Variants in KIF24 observed in about 807,000 individuals in gnomAD.
KIF24 encodes kinesin-like protein KIF24.
In KIF24, 81 loss-of-function variants were observed where a neutral mutation model predicts 118.9. The observed-to-expected ratio is 0.68, with a 90% CI of 0.57 to 0.82. The LOEUF (loss-of-function observed/expected upper bound fraction) is 0.82, where lower values mean the gene tolerates loss of function less well. KIF24 is among the 40% of genes least tolerant of loss of function. The probability of loss-of-function intolerance (pLI) is 0.00; values close to 1 mark genes in which losing one functional copy is unlikely to be tolerated. For synonymous variants in KIF24, 599 were observed against 610.0 expected, an observed-to-expected ratio of 0.98 and a Z score of 0.27; for missense variants, 1,560 against 1,661.6, an observed-to-expected ratio of 0.94 and a Z score of 1.06.
chr9:34,314,221 T>TG (rs976692206), intron 1 of KIF24, among the ~76,000 whole-genome samples: 3 of 152,136 alleles, frequency 2.0e-5, no homozygotes, highest in African/African-American at 7.2e-5. Flanking sequence ...TGGAGTGCAG[T>TG]GGTGCAATCT....
intron 1 of KIF24, among the ~76,000 whole-genome samples, chr9:34,326,695 G>A (rs1289320625): frequency 6.6e-6 from 1 of 152,218 alleles, no homozygotes; most frequent in African/African-American, 2.4e-5. Flanking sequence ...TAGTAGGTGA[G>A]AAGGAGAATA....
Position 34,253,652 on chromosome 9 carries a change from T to G in KIF24, c.*728A>C, listed in dbSNP as rs1364810779. ...AGTATCGGGCATTGTACAGAGGCCT[T>G]TCACCCGAGCAAAAGTCAGGAGAAA... On this transcript the variant is annotated 3_prime_UTR_variant, in exon 13 of 13. Coordinates refer to ENST00000402558, the MANE Select transcript of KIF24 (RefSeq NM_194313.4). The G allele has an allele frequency of 6.6e-6, 1 of 152,152 alleles. No homozygotes were observed. The highest frequency in any genetic ancestry group is 1.5e-5 in the Non-Finnish European group (1 of 68,080). The allele number at this position is 152,152 out of a possible 1,614,324, so 9.4% of individuals were successfully genotyped here.
intron 9 of KIF24, among the ~76,000 whole-genome samples, chr9:34,262,464 T>A (rs1014198127): frequency 6.6e-6 from 1 of 150,998 alleles, no homozygotes; most frequent in African/African-American, 2.4e-5. Context: ...TGGTTGCACA[T>A]CCCTAACCCA....
At chr9:34,317,676 C>T (rs1338803478) in intron 1 of KIF24, among the ~76,000 whole-genome samples, 2 of 152,190 alleles carry the variant, frequency 1.3e-5, no homozygotes, top group Non-Finnish European at 2.9e-5. Flanking sequence ...AAACTACCCA[C>T]TCATTAGTCA....
chr9:34,266,345 A>G (rs768588834), intron 8 of KIF24, among the ~76,000 whole-genome samples: 4 of 152,164 alleles, frequency 2.6e-5, no homozygotes, highest in African/African-American at 7.2e-5. Context: ...CACCCCTAAT[A>G]CACAGACTGA....
intron 4 of KIF24, among the ~76,000 whole-genome samples, chr9:34,295,154 A>G (rs1836415656): frequency 6.6e-6 from 1 of 151,588 alleles, no homozygotes; most frequent in African/African-American, 2.4e-5. Flanking sequence ...TAGATTAGAT[A>G]GGTAGGTAGA....
At chr9:34,321,603 C>A (rs72733121) in intron 1 of KIF24, among the ~76,000 whole-genome samples, 1 of 99,234 alleles carries the variant, frequency 1.0e-5, no homozygotes, top group Non-Finnish European at 1.9e-5. Flanking sequence ...CATACTTCTT[C>A]TTTTTTTTTT....
At chr9:34,294,089 G>A (rs1202835279) in intron 4 of KIF24, among the ~76,000 whole-genome samples, 1 of 152,002 alleles carries the variant, frequency 6.6e-6, no homozygotes, top group Non-Finnish European at 1.5e-5. Flanking sequence ...AAGTAGCTGG[G>A]ACTACAGGCA....
In KIF24 at chr9:34,318,655, C is replaced by T. The variant is rs1269117258; in HGVS notation, c.-25-7284G>A. 2 of 1,542,404 alleles carry T rather than the reference C, an allele frequency of 1.3e-6. No individual in the cohort carries two copies. Among genetic ancestry groups the T allele is most frequent in the Non-Finnish European group, 1.8e-6 (2 of 1,135,624 alleles). On this transcript the variant is annotated intron_variant, in intron 1 of 12. Coordinates refer to ENST00000402558, the MANE Select transcript of KIF24 (RefSeq NM_194313.4). The surrounding 1 kb of genome is among the most constrained non-coding windows in gnomAD (Gnocchi z 4.9). ...CGTCGTTGGGGCTCGTGTCGCTGGG[C>T]GGCAAGGCGACCACGGCGTCGGAGG...
At chr9:34,323,343 G>A in intron 1 of KIF24, among the ~76,000 whole-genome samples, 1 of 152,174 alleles carries the variant, frequency 6.6e-6, no homozygotes, top group East Asian at 1.9e-4. Context: ...CCCACAAAGA[G>A]TTTACTACGT....
intron 4 of KIF24, among the ~76,000 whole-genome samples, chr9:34,296,551 T>A (rs895088282): frequency 6.7e-6 from 1 of 149,806 alleles, no homozygotes; most frequent in Non-Finnish European, 1.5e-5. Flanking sequence ...AAAAAAAAAA[T>A]ACATCTATGA....
At chr9:34,275,175 C>T (rs1211465239) in intron 6 of KIF24, among the ~76,000 whole-genome samples, 1 of 152,182 alleles carries the variant, frequency 6.6e-6, no homozygotes, top group Non-Finnish European at 1.5e-5. Flanking sequence ...AGGTGGATCA[C>T]TTTAGTGCAG....
chr9:34,330,211 G>A (rs1431999389), upstream of KIF24, among the ~76,000 whole-genome samples: 1 of 152,140 alleles, frequency 6.6e-6, no homozygotes, highest in Non-Finnish European at 1.5e-5. Context: ...AGACCATCCT[G>A]GCTAACACGG....
intron 8 of KIF24, among the ~76,000 whole-genome samples, chr9:34,266,712 AAAAG>A (rs1278741098): frequency 6.6e-6 from 1 of 151,846 alleles, no homozygotes; most frequent in Non-Finnish European, 1.5e-5. Flanking sequence ...AAAAGAAAGA[AAAAG>A]AAACCAAGAC....
At chr9:34,321,299 G>T (rs1837511428) in intron 1 of KIF24, among the ~76,000 whole-genome samples, 1 of 151,832 alleles carries the variant, frequency 6.6e-6, no homozygotes, top group African/African-American at 2.4e-5. Flanking sequence ...CAGATTACTA[G>T]ATTAGGAGGC....
Position 34,276,529 on chromosome 9 carries a change from C to T in KIF24, c.1216-4599G>A, listed in dbSNP as rs984553301. On this transcript the variant is annotated intron_variant, in intron 6 of 12. Transcript: ENST00000402558. ...ATTAAGAATCCAAAAGTTGACAGAG[C>T]CAAACTTCAACAATAAGACATAAAA... Among the ~76,000 whole-genome samples, 7 of 151,980 alleles carry T rather than the reference C, an allele frequency of 4.6e-5. No individual in the cohort carries two copies. The South Asian group carries it at 1.0e-3, about 23-fold the overall frequency.
chr9:34,332,034 G>A (rs1391968657), upstream of KIF24, among the ~76,000 whole-genome samples: 1 of 152,146 alleles, frequency 6.6e-6, no homozygotes, highest in Non-Finnish European at 1.5e-5. Flanking sequence ...CTGGTCTGTT[G>A]CAATAGACTT....
In KIF24 at chr9:34,271,755, A is replaced by G. The variant is rs1389372921; in HGVS notation, c.1337+54T>C. On this transcript the variant is annotated intron_variant, in intron 7 of 12. Coordinates refer to ENST00000402558, the MANE Select transcript of KIF24 (RefSeq NM_194313.4). ...CCTGTTGTTGAGAAAACATACTTCA[A>G]AGTCACATTAAAGGAAAGGCAGACA... 15 of 1,594,558 alleles carry G rather than the reference A, an allele frequency of 9.4e-6. No homozygotes were observed. The East Asian group carries it at 3.1e-4, about 33-fold the overall frequency.
intron 8 of KIF24, among the ~76,000 whole-genome samples, chr9:34,265,672 C>T (rs1018914713): frequency 7.9e-5 from 12 of 151,438 alleles, no homozygotes; most frequent in Admixed American, 3.9e-4. Context: ...AAGAAAACTG[C>T]GATAAAAATC....
Sources: allele counts gnomAD v4.1 joint callset (sites outside exome capture counted in the v4.1 genomes callset), GRCh38; gene constraint gnomAD v4.1.1; non-coding constraint Gnocchi (gnomAD v3.1); transcripts MANE v1.5; gene names NCBI Gene and HGNC (gene_info 2026-07-23, HGNC 2026-07-21).